The following THSD7A variants were observed in gnomAD, a reference collection of about 807,000 sequenced individuals.
THSD7A encodes the protein thrombospondin type 1 domain containing 7A, also known as thrombospondin type-1 domain-containing protein 7A.
A neutral mutation model predicts 231.3 loss-of-function variants in THSD7A; 96 were observed. The ratio of observed to expected loss-of-function variants is 0.41; its 90% CI spans 0.35 to 0.49. The LOEUF (loss-of-function observed/expected upper bound fraction) is 0.49, where lower values mean the gene tolerates loss of function less well. Among genes scored for constraint, THSD7A ranks in the 20% least tolerant of loss-of-function variants. The probability of loss-of-function intolerance (pLI) is 0.05; values close to 1 mark genes in which losing one functional copy is unlikely to be tolerated. For synonymous variants in THSD7A, 940 were observed against 743.3 expected (o/e 1.26, Z -4.30); for missense variants, 2,290 against 2,070.2 (o/e 1.11, Z -2.06).
intron 2 of THSD7A, among the ~76,000 whole-genome samples, chr7:11,594,693 C>A (rs1780296163): frequency 6.6e-6 from 1 of 152,144 alleles, no homozygotes; most frequent in African/African-American, 2.4e-5. Flanking sequence ...CTCAGGGATT[C>A]TAACTCCTAG....
intron 11 of THSD7A, among the ~76,000 whole-genome samples, chr7:11,452,674 G>A (rs1358783551): frequency 1.3e-5 from 2 of 151,896 alleles, no homozygotes; most frequent in African/African-American, 4.8e-5. Context: ...GAGCATCCAA[G>A]AACAATCACA....
chr7:11,734,068 C>G (rs10950365), intron 1 of THSD7A, among the ~76,000 whole-genome samples: 111,135 of 151,788 alleles, frequency 0.73, 40,770 homozygotes, highest in South Asian at 0.79. Context: ...TCCCTTGAGT[C>G]ATCTCTTCAA....
At chr7:11,595,620 C>A (rs1053811655) in intron 2 of THSD7A, among the ~76,000 whole-genome samples, 2 of 152,124 alleles carry the variant, frequency 1.3e-5, no homozygotes, top group African/African-American at 4.8e-5. Flanking sequence ...CACTTTATAC[C>A]TACTCATCCC....
At chr7:11,640,357 G>C (rs1487332141) in intron 1 of THSD7A, among the ~76,000 whole-genome samples, 1 of 152,074 alleles carries the variant, frequency 6.6e-6, no homozygotes, top group East Asian at 1.9e-4. Flanking sequence ...TGTGGATAAA[G>C]ACAAAATGTG....
intron 1 of THSD7A, among the ~76,000 whole-genome samples, chr7:11,793,151 T>C (rs888401929): frequency 1.7e-4 from 26 of 150,970 alleles, no homozygotes; most frequent in Non-Finnish European, 2.5e-4. Flanking sequence ...CTGAAAAAAA[T>C]GAGATGAAAA....
Position 11,814,086 on chromosome 7 carries a change from C to T in THSD7A, c.190+17671G>A, listed in dbSNP as rs1784610804. 6.6e-6 allele frequency among the ~76,000 whole-genome samples: 1 copy of T among 152,100 alleles called. No homozygotes were observed. Among genetic ancestry groups the T allele is most frequent in the South Asian group, 2.1e-4 (1 of 4,820 alleles). On this transcript the variant is annotated intron_variant, in intron 1 of 27. Transcript: ENST00000423059. The surrounding 1 kb of genome is among the most constrained non-coding windows in gnomAD (Gnocchi z 5.1). The stretch of plus-strand genomic sequence containing the variant: ...TATGATGCCATTCATATGAAAGGTC[C>T]AGACTAGGCGAATAGAGAAAAAGTA...
intron 1 of THSD7A, among the ~76,000 whole-genome samples, chr7:11,745,210 T>C (rs1471674053): frequency 6.6e-6 from 1 of 152,132 alleles, no homozygotes; most frequent in Non-Finnish European, 1.5e-5. Flanking sequence ...TGAACATTTT[T>C]TCATGTGTCT....
At chr7:11,517,260 A>C (rs1215059226) in intron 6 of THSD7A, among the ~76,000 whole-genome samples, 2 of 151,992 alleles carry the variant, frequency 1.3e-5, no homozygotes, top group Non-Finnish European at 2.9e-5. Flanking sequence ...TTGTATTTTT[A>C]GTAGAGACGG....
chr7:11,660,753 G>A (rs1782896489), intron 1 of THSD7A, among the ~76,000 whole-genome samples: 1 of 151,412 alleles, frequency 6.6e-6, no homozygotes, highest in South Asian at 2.1e-4. Flanking sequence ...GTCATAACCA[G>A]AAGACATTAG....
At chr7:11,641,597 AAGT>A (rs1348098572) in intron 1 of THSD7A, among the ~76,000 whole-genome samples, 30 of 152,162 alleles carry the variant, frequency 2.0e-4, no homozygotes, top group African/African-American at 6.7e-4. Context: ...ATCTTATTCC[AAGT>A]ATATTTACAT....
chr7:11,776,954 T>G lies in THSD7A; in HGVS notation c.190+54803A>C, dbSNP rs562134758. The stretch of plus-strand genomic sequence containing the variant: ...CATTGCTGTAGATTTTGCAGTTGAT[T>G]TAACATCAACTGTAACCATTGTACG... On this transcript the variant is annotated intron_variant, in intron 1 of 27. Coordinates refer to ENST00000423059, the MANE Select transcript of THSD7A (RefSeq NM_015204.3). Among the ~76,000 whole-genome samples, 7 of 152,302 alleles carry G rather than the reference T, an allele frequency of 4.6e-5. No homozygotes were observed. The South Asian group carries it at 1.4e-3, about 32-fold the overall frequency.
intron 1 of THSD7A, among the ~76,000 whole-genome samples, chr7:11,667,877 G>A (rs1384285572): frequency 6.6e-6 from 1 of 152,128 alleles, no homozygotes; most frequent in African/African-American, 2.4e-5. Context: ...CTCAAGCCAT[G>A]AAAGCATATG....
At chr7:11,485,007 C>T (rs1786595327) in intron 6 of THSD7A, among the ~76,000 whole-genome samples, 2 of 149,120 alleles carry the variant, frequency 1.3e-5, no homozygotes. Flanking sequence ...TCTCCTGCCT[C>T]AGCCTCCCAT....
chr7:11,518,575 C>T lies in THSD7A; in HGVS notation c.1822+22844G>A, dbSNP rs148365100. Among the ~76,000 whole-genome samples, 17 of 149,364 alleles carry T rather than the reference C, an allele frequency of 1.1e-4. No homozygotes were observed. The East Asian group carries it at 3.0e-3, about 26-fold the overall frequency. On this transcript the variant is annotated intron_variant, in intron 6 of 27. Coordinates refer to ENST00000423059, the MANE Select transcript of THSD7A (RefSeq NM_015204.3). ...TCCTGAAAAAGTACAACAGATCATC[C>T]CTGTAGCTGGAAATAAAATAGAAAC...
rs1784909123 is a variant in THSD7A at position 11,444,758 on chromosome 7, AAG to A, written c.3064+1301_3064+1302del. ...CAGAACTTAAAGTATAACAAAAAAA[AAG>A]AGAGGGGGCACAGTTGTCTGCTCTG... is the stretch of plus-strand genomic sequence containing the variant. On this transcript the variant is annotated intron_variant, in intron 13 of 27. Transcript: ENST00000423059. This position sits in a 1 kb window ranked among gnomAD's most constrained non-coding sequence, Gnocchi z 4.2. Among the ~76,000 whole-genome samples the A allele has an allele frequency of 6.7e-6, 1 of 149,824 alleles. No individual in the cohort carries two copies. The highest frequency in any genetic ancestry group is 2.5e-5 in the African/African-American group (1 of 40,286).
At chr7:11,456,218 A>G (rs1785304118) in intron 11 of THSD7A, among the ~76,000 whole-genome samples, 1 of 152,056 alleles carries the variant, frequency 6.6e-6, no homozygotes. Flanking sequence ...GCTTTTGAGT[A>G]TAATTTATCA....
intron 1 of THSD7A, among the ~76,000 whole-genome samples, chr7:11,674,997 G>C (rs1177670084): frequency 6.6e-6 from 1 of 152,142 alleles, no homozygotes; most frequent in African/African-American, 2.4e-5. Context: ...AATAGGAACA[G>C]CTCCAGTCTG....
At chr7:11,686,201 T>A (rs1209363356) in intron 1 of THSD7A, among the ~76,000 whole-genome samples, 1 of 151,474 alleles carries the variant, frequency 6.6e-6, no homozygotes, top group Non-Finnish European at 1.5e-5. Context: ...GGAGAAAGAG[T>A]AAGGGTTAAG....
At chr7:11,789,805 A>G (rs1396792867) in intron 1 of THSD7A, among the ~76,000 whole-genome samples, 2 of 151,948 alleles carry the variant, frequency 1.3e-5, no homozygotes, top group Non-Finnish European at 2.9e-5. Context: ...ATCATCATGC[A>G]TCTGTACTTT....
Sources: allele counts gnomAD v4.1 joint callset (sites outside exome capture counted in the v4.1 genomes callset), GRCh38; gene constraint gnomAD v4.1.1; non-coding constraint Gnocchi (gnomAD v3.1); transcripts MANE v1.5; gene names NCBI Gene and HGNC (gene_info 2026-07-23, HGNC 2026-07-21).